TMEM135: variants seen among roughly 807,000 people sequenced by gnomAD.
TMEM135 encodes the protein transmembrane protein 135, also known as peroxisomal membrane protein 52.
A neutral mutation model predicts 60.3 loss-of-function variants in TMEM135; 30 were observed. The observed-to-expected ratio is 0.50, with a 90% CI of 0.37 to 0.68. The LOEUF is 0.68. TMEM135 is among the 30% of genes least tolerant of loss of function. The probability of loss-of-function intolerance (pLI) is 0.00; values close to 1 mark genes in which losing one functional copy is unlikely to be tolerated. For missense variants in TMEM135, 468 were observed against 548.8 expected (o/e 0.85, Z 1.47); for synonymous variants, 190 against 186.7 (o/e 1.02, Z -0.14).
At chr11:87,197,785 T>C (rs2135326025) in intron 5 of TMEM135, among the ~76,000 whole-genome samples, 1 of 152,270 alleles carries the variant, frequency 6.6e-6, no homozygotes, top group South Asian at 2.1e-4. Flanking sequence ...GCAATGCTAC[T>C]TAGAATGAAA....
At chr11:87,198,558 C>T (rs543211423) in intron 5 of TMEM135, among the ~76,000 whole-genome samples, 3 of 142,524 alleles carry the variant, frequency 2.1e-5, no homozygotes, top group South Asian at 2.5e-4. Flanking sequence ...TCCCTCCCCT[C>T]TCCCCTCCCC....
intron 3 of TMEM135, among the ~76,000 whole-genome samples, chr11:87,087,175 A>G (rs912900716): frequency 1.3e-5 from 2 of 152,118 alleles, no homozygotes; most frequent in Admixed American, 1.3e-4. Context: ...GGGGGTAAGA[A>G]CAGCTCAAAA....
chr11:87,259,034 T>A (rs780414104), intron 6 of TMEM135: 32 of 1,482,482 alleles, frequency 2.2e-5, no homozygotes, highest in Non-Finnish European at 2.8e-5. Flanking sequence ...ACGGCTGCCC[T>A]GGGAAACCTG....
chr11:87,055,662 C>T (rs576386417), intron 1 of TMEM135, among the ~76,000 whole-genome samples: 1 of 151,868 alleles, frequency 6.6e-6, no homozygotes, highest in African/African-American at 2.4e-5. Context: ...ACGATCTCGG[C>T]TCACGCCAAC....
intron 4 of TMEM135, among the ~76,000 whole-genome samples, chr11:87,140,669 G>GT (rs916744050): frequency 6.6e-6 from 1 of 152,066 alleles, no homozygotes; most frequent in Non-Finnish European, 1.5e-5. Flanking sequence ...TTTAATATTT[G>GT]TTTTTTTATC....
intron 4 of TMEM135, among the ~76,000 whole-genome samples, chr11:87,130,338 T>C (rs536030820): frequency 6.6e-5 from 10 of 152,282 alleles, no homozygotes; most frequent in African/African-American, 2.2e-4. Context: ...GTAAGGATAG[T>C]GAAGGACATA....
intron 5 of TMEM135, among the ~76,000 whole-genome samples, chr11:87,191,862 A>G (rs1939806823): frequency 1.3e-5 from 2 of 151,898 alleles, no homozygotes; most frequent in Admixed American, 6.6e-5. Context: ...TTAAAGTAGC[A>G]TTGGGAGTTT....
intron 6 of TMEM135, chr11:87,277,162 C>T (rs1201136424): frequency 4.0e-5 from 7 of 173,530 alleles, no homozygotes; most frequent in South Asian, 9.2e-5. Context: ...GACCGAGTCT[C>T]GCTTTGTTGC....
chr11:87,097,055 G>A (rs1237194200), intron 4 of TMEM135, among the ~76,000 whole-genome samples: 1 of 151,192 alleles, frequency 6.6e-6, no homozygotes, highest in South Asian at 2.1e-4. Flanking sequence ...GGAGTGCGGC[G>A]GCATGATCTT....
chr11:87,269,450 T>C lies in TMEM135; in HGVS notation c.510-26332T>C, dbSNP rs573642646. Among the ~76,000 whole-genome samples, 620 of 151,954 alleles carry C rather than the reference T, an allele frequency of 4.1e-3. 4 individuals are homozygous for C. Among genetic ancestry groups the C allele is most frequent in the African/African-American group, 0.014 (587 of 41,404 alleles). ...ATGCTGGTGTGCTGCACCCATTAAC[T>C]TGTCATTTAGCATTAGGTATATCTC... On this transcript the variant is annotated intron_variant, in intron 6 of 14. Coordinates refer to ENST00000305494, the MANE Select transcript of TMEM135 (RefSeq NM_022918.4).
chr11:87,074,949 CT>C (rs954341476), intron 3 of TMEM135, among the ~76,000 whole-genome samples: 7 of 151,774 alleles, frequency 4.6e-5, no homozygotes, highest in African/African-American at 1.7e-4. Flanking sequence ...TCTAAAAGTA[CT>C]TTTTCTTGAG....
intron 5 of TMEM135, among the ~76,000 whole-genome samples, chr11:87,194,689 C>G (rs1367515101): frequency 6.6e-6 from 1 of 152,108 alleles, no homozygotes; most frequent in Non-Finnish European, 1.5e-5. Flanking sequence ...TCCTGTTGCT[C>G]TTCATATTCT....
intron 6 of TMEM135, among the ~76,000 whole-genome samples, chr11:87,282,089 CAGG>C (rs992751315): frequency 1.3e-5 from 2 of 152,110 alleles, no homozygotes; most frequent in Non-Finnish European, 2.9e-5. Flanking sequence ...TTTCTGAATT[CAGG>C]AGGTCTGGAG....
At chr11:87,291,938 G>T (rs1591174178) in intron 6 of TMEM135, among the ~76,000 whole-genome samples, 1 of 152,150 alleles carries the variant, frequency 6.6e-6, no homozygotes. Flanking sequence ...TATGTGGAAT[G>T]TAGACCACTC....
chr11:87,166,797 T>G (rs1939062892), intron 5 of TMEM135, among the ~76,000 whole-genome samples: 1 of 151,842 alleles, frequency 6.6e-6, no homozygotes, highest in South Asian at 2.1e-4. Context: ...GGCTATTTTT[T>G]GGTTCCATAT....
chr11:87,103,210 CTTGTT>C (rs1481540332), intron 4 of TMEM135, among the ~76,000 whole-genome samples: 1 of 152,168 alleles, frequency 6.6e-6, no homozygotes, highest in African/African-American at 2.4e-5. Context: ...TGCTGGATCA[CTTGTT>C]AGAGAAAAAT....
chr11:87,093,554 G>A (rs1857256614), intron 4 of TMEM135, among the ~76,000 whole-genome samples: 3 of 151,490 alleles, frequency 2.0e-5, no homozygotes, highest in Admixed American at 2.0e-4. Context: ...TTTTTGAGAT[G>A]GAGTCTCGCT....
At chr11:87,208,527 T>A (rs912533709) in intron 5 of TMEM135, among the ~76,000 whole-genome samples, 1 of 151,952 alleles carries the variant, frequency 6.6e-6, no homozygotes, top group East Asian at 1.9e-4. Flanking sequence ...AAAGAAATTT[T>A]AAAAAACAAC....
At chr11:87,162,280 G>C (rs181109443) in intron 5 of TMEM135, among the ~76,000 whole-genome samples, 2 of 151,650 alleles carry the variant, frequency 1.3e-5, no homozygotes, top group Admixed American at 6.6e-5. Context: ...GTGCAGGTTT[G>C]TTGCATAGGT....
Sources: allele counts gnomAD v4.1 joint callset (sites outside exome capture counted in the v4.1 genomes callset), GRCh38; gene constraint gnomAD v4.1.1; transcripts MANE v1.5; gene names NCBI Gene and HGNC (gene_info 2026-07-23, HGNC 2026-07-21).